CHRNA6: variants seen among roughly 807,000 people sequenced by gnomAD.
CHRNA6 encodes the protein cholinergic receptor nicotinic alpha 6 subunit.
Under a neutral mutation model 40.9 loss-of-function variants are expected in CHRNA6, and 31 were observed. That is an observed-to-expected ratio of 0.76 (90% CI 0.57 to 1.02). The LOEUF (loss-of-function observed/expected upper bound fraction) is 1.02. Among genes scored for constraint, CHRNA6 ranks in the 50% least tolerant of loss-of-function variants. The probability of loss-of-function intolerance (pLI) is 0.00; values close to 1 mark genes in which losing one functional copy is unlikely to be tolerated. For missense variants in CHRNA6, 546 were observed against 596.6 expected, an observed-to-expected ratio of 0.92 and a Z score of 0.88; for synonymous variants, 222 against 221.3, an observed-to-expected ratio of 1.00 and a Z score of -0.03.
chr8:42,766,220 C>T (rs185349697), intron 1 of CHRNA6, among the ~76,000 whole-genome samples: 3 of 152,274 alleles, frequency 2.0e-5, no homozygotes, highest in East Asian at 1.9e-4. Flanking sequence ...AAGCCAGGTG[C>T]GGTGGCTCAC....
intron 5 of CHRNA6, 52 bp downstream of exon 5, chr8:42,755,794 C>A: frequency 6.4e-7 from 1 of 1,568,032 alleles, no homozygotes; most frequent in Non-Finnish European, 8.6e-7. Flanking sequence ...TCCAGAGTGC[C>A]CATAGGCTGC....
chr8:42,765,050 T>A lies in CHRNA6; in HGVS notation c.219+15A>T, dbSNP rs1160543516. The A allele has an allele frequency of 2.5e-6, 4 of 1,613,516 alleles. No homozygotes were observed. In the East Asian group the frequency reaches 6.7e-5, roughly 27 times the overall value. The stretch of plus-strand genomic sequence containing the variant: ...GTAACAATGCTGGGGAAAGCTCTGA[T>A]CAGAGGGCACTCACCACGTTGGCCA... On this transcript the variant is annotated intron_variant, in intron 2 of 5. Coordinates refer to ENST00000276410, the MANE Select transcript of CHRNA6 (RefSeq NM_004198.3).
chr8:42,767,431 C>T (rs571588761), intron 1 of CHRNA6, among the ~76,000 whole-genome samples: 112 of 152,250 alleles, frequency 7.4e-4, no homozygotes, highest in Non-Finnish European at 5.4e-4. Context: ...ATTACTACCT[C>T]CTCTACAATT....
chr8:42,765,024 T>C (rs202048208), intron 2 of CHRNA6, 41 bp downstream of exon 2: 79 of 1,595,066 alleles, frequency 5.0e-5, no homozygotes, highest in Non-Finnish European at 6.4e-5. Flanking sequence ...CCTGCAAAAG[T>C]GTAACAATGC....
At position 42,755,830 on chromosome 8, in the gene CHRNA6, G is replaced by A; in HGVS notation, c.1353+16C>T. The stretch of plus-strand genomic sequence containing the variant: ...AAAGGGTGCAAGCTGGCTGGGTGGA[G>A]GGAACACACATTTACCTCCTTGGTT... On this transcript the variant is annotated intron_variant, in intron 5 of 5. Transcript: ENST00000276410. 1 of 1,604,184 alleles carries A rather than the reference G, an allele frequency of 6.2e-7. No homozygotes were observed.
Position 42,755,883 on chromosome 8 carries a change from A to G in CHRNA6, c.1316T>C (p.Ile439Thr), listed in dbSNP as rs2128911142. ...VEDVINSVQF[I>T]AENMKSHNET... is the part of the protein sequence containing the mutation. Reference sequence around the variant, plus strand: ...ATTGTGGCTCTTCATGTTTTCTGCTATGAACTGAACACTGTTAATCACATC... The same window carrying G: ...ATTGTGGCTCTTCATGTTTTCTGCTGTGAACTGAACACTGTTAATCACATC... The change falls in exon 5 of 6, where the codon ATA becomes ACA. Residue 439 changes from isoleucine to threonine, a missense_variant. By Grantham distance (89) the Ile-to-Thr change is moderately conservative (BLOSUM62 -1). This residue lies in a region of CHRNA6 where 65 missense variants were observed against 83.8 expected (regional missense o/e 0.78). Coordinates refer to ENST00000276410, the MANE Select transcript of CHRNA6 (RefSeq NM_004198.3). 2 of 1,614,220 alleles carry G rather than the reference A, an allele frequency of 1.2e-6. No homozygotes were observed. Among genetic ancestry groups the G allele is most frequent in the Non-Finnish European group, 1.7e-6 (2 of 1,180,032 alleles).
Position 42,753,268 on chromosome 8 carries a change from C to T in CHRNA6, c.1396G>A (p.Val466Ile). ...WKYVAMVVDR[V>I]FLWVFIIVCV... ...ACAATTATAAATACCCAAAGAAATA[C>T]TCTGTCCACCACCATGGCCACGTAT... Residue 466 changes from valine (V) to isoleucine (I), a missense_variant, in exon 6 of 6, where the codon GTA becomes ATA. Transcript: ENST00000276410. 6.2e-7 allele frequency: 1 copy of T among 1,612,514 alleles called. No individual in the cohort carries two copies. Among genetic ancestry groups the T allele is most frequent in the East Asian group, 2.2e-5 (1 of 44,860 alleles).
Position 42,768,452 on chromosome 8 carries a change from C to T in CHRNA6, c.-22G>A. 6.3e-7 allele frequency: 1 copy of T among 1,598,896 alleles called. No homozygotes were observed. Among genetic ancestry groups the T allele is most frequent in the Non-Finnish European group, 8.6e-7 (1 of 1,166,478 alleles). On this transcript the variant is annotated 5_prime_UTR_variant, in exon 1 of 6. Coordinates refer to ENST00000276410, the MANE Select transcript of CHRNA6 (RefSeq NM_004198.3). ...GCATGGTTAAAACACACTTGGATTC[C>T]TTTTTCCTAGGCAAAGGATTGTGGA...
At position 42,756,653 on chromosome 8, in the gene CHRNA6, G is replaced by C; in HGVS notation, c.546C>G (p.Asp182Glu). 1 of 1,614,050 alleles carries C rather than the reference G, an allele frequency of 6.2e-7. No homozygotes were observed. The highest frequency in any genetic ancestry group is 8.5e-7 in the Non-Finnish European group (1 of 1,179,996). ...CSLKFGSWTY[D>E]KAEIDLLIIG... ...TGATTAGAAGATCAATTTCAGCTTT[G>C]TCATACGTCCAGGAACCAAATTTTA... The change falls in exon 5 of 6, where the codon GAC becomes GAG. Residue 182 changes from aspartate (D) to glutamate (E), a missense_variant. Physicochemically the swap from Asp to Glu is conservative, Grantham distance 45. Around this residue, in one of 3 missense-constraint regions of CHRNA6, gnomAD observed 476 missense variants for 494.5 expected, o/e 0.96. Transcript: ENST00000276410.
intron 1 of CHRNA6, 72 bp downstream of exon 1, chr8:42,768,280 G>A: frequency 8.1e-7 from 1 of 1,237,644 alleles, no homozygotes; most frequent in South Asian, 1.3e-5. Context: ...ATCTTCTCAA[G>A]CACAACTAGA....
intron 2 of CHRNA6, among the ~76,000 whole-genome samples, chr8:42,762,762 T>C (rs527758608): frequency 6.6e-6 from 1 of 152,240 alleles, no homozygotes; most frequent in South Asian, 2.1e-4. Context: ...CTCTAAAGGA[T>C]GATGCTGAGG....
At chr8:42,762,533 C>T in intron 2 of CHRNA6, among the ~76,000 whole-genome samples, 1 of 152,192 alleles carries the variant, frequency 6.6e-6, no homozygotes, top group East Asian at 1.9e-4. Context: ...CCTGCAATCC[C>T]AGCTACTTGG....
intron 1 of CHRNA6, among the ~76,000 whole-genome samples, chr8:42,766,521 A>AGAAAGAAAGAAAGAGAGAGAGAG (rs1563627476): frequency 1.3e-5 from 2 of 151,832 alleles, no homozygotes; most frequent in African/African-American, 4.8e-5. Flanking sequence ...AAAGAAAGAA[A>AGAAAGAAAGAAAGAGAGAGAGAG]ATGTGGTATA....
chr8:42,763,176 A>C (rs62515875), intron 2 of CHRNA6, among the ~76,000 whole-genome samples: 2,938 of 152,300 alleles, frequency 0.019, 53 homozygotes, highest in South Asian at 0.09. Context: ...CCACGTGAAA[A>C]GGGTGGTGAA....
chr8:42,759,265 A>G (rs1402988742), intron 2 of CHRNA6, 152 bp from the exon 3 acceptor site: 2 of 629,242 alleles, frequency 3.2e-6, no homozygotes, highest in Non-Finnish European at 5.7e-6. Context: ...TTCAGCATGC[A>G]AGCAGAAATG....
In CHRNA6 at chr8:42,756,131, C is replaced by T. The variant is rs1328262836; in HGVS notation, c.1068G>A (p.Arg356=). 6.2e-7 allele frequency: 1 copy of T among 1,614,268 alleles called. No individual in the cohort carries two copies. Among genetic ancestry groups the T allele is most frequent in the Non-Finnish European group, 8.5e-7 (1 of 1,180,042 alleles). Residue 356 remains arginine, a synonymous_variant, in exon 5 of 6, where the codon AGG becomes AGA. Transcript: ENST00000276410. ...TGCCCCTTGTCTTGTCCAGAGGCCA[C>T]CTCATCAGCAGGACCTGGGGCAGCA... is the stretch of plus-strand genomic sequence containing the variant. ...LKLLPQVLLM[R]WPLDKTRGTG...
chr8:42,762,653 G>A (rs1402570644), intron 2 of CHRNA6, among the ~76,000 whole-genome samples: 1 of 151,862 alleles, frequency 6.6e-6, no homozygotes, highest in Non-Finnish European at 1.5e-5. Flanking sequence ...CATCTCAAAA[G>A]CAAAACAAAA....
chr8:42,755,771 G>A, intron 5 of CHRNA6, 75 bp downstream of exon 5: 1 of 1,501,548 alleles, frequency 6.7e-7, no homozygotes, highest in Non-Finnish European at 9.0e-7. Context: ...CACACTGAAG[G>A]TCTGACTGTG....
At chr8:42,764,626 C>T (rs537508811) in intron 2 of CHRNA6, among the ~76,000 whole-genome samples, 2 of 152,276 alleles carry the variant, frequency 1.3e-5, no homozygotes, top group African/African-American at 4.8e-5. Context: ...CACGCCCGGC[C>T]TTAAAGCAAT....
Sources: gnomAD v4.1 joint callset for allele counts (sites outside exome capture counted in the v4.1 genomes callset) on GRCh38, gnomAD v4.1.1 for gene constraint, gnomAD v4.1.1 regional missense constraint, MANE v1.5 for transcripts, NCBI Gene and HGNC (gene_info 2026-07-23, HGNC 2026-07-21) for gene names.